Variants in OBI1 observed in about 807,000 individuals in gnomAD.
OBI1 encodes ORC ubiquitin ligase 1.
In OBI1, 59 loss-of-function variants were observed where a neutral mutation model predicts 62.4. The ratio of observed to expected loss-of-function variants is 0.95; its 90% CI spans 0.77 to 1.17. The LOEUF (loss-of-function observed/expected upper bound fraction) is 1.17. Among genes scored for constraint, OBI1 ranks in the 50% most tolerant of loss-of-function variants. OBI1 has a pLI of 0.00. For synonymous variants in OBI1, 302 were observed against 292.8 expected (o/e 1.03, Z -0.32); for missense variants, 875 against 830.9 (o/e 1.05, Z -0.65).
In OBI1 at chr13:78,659,058, G is replaced by A. The variant is rs1431684865; in HGVS notation, c.63C>T (p.Cys21=). 2 of 1,612,838 alleles carry A rather than the reference G, an allele frequency of 1.2e-6. No individual in the cohort carries two copies. The highest frequency in any genetic ancestry group is 2.2e-5 in the South Asian group (2 of 90,992). Residue 21 remains cysteine (C), a synonymous_variant, in exon 1 of 6, where the codon TGC becomes TGT. Coordinates refer to ENST00000282003, the MANE Select transcript of OBI1 (RefSeq NM_024546.4). ...CACAATCACCCATTACCTTCCCCAA[G>A]CAAATGTGGCACGTGATGGGCAGAG... ...SLTLPITCHI[C]LGKVRQPVIC...
At position 78,616,811 on chromosome 13, in the gene OBI1, C is replaced by T; in HGVS notation, c.950G>A (p.Ser317Asn). ...AGAACTGGTGTCACACAGTCTGCTG[C>T]TGGAAGGCTTCGCTAGGTGAGAAGA... is the stretch of plus-strand genomic sequence containing the variant. Reference protein sequence around the residue: ...SSSSHLAKPSSSRLCDTSSAR... With the variant: ...SSSSHLAKPSNSRLCDTSSAR... Residue 317 changes from serine (S) to asparagine (N), a missense_variant, in exon 6 of 6, where the codon AGC (serine) becomes AAC (asparagine). Ser to Asn is a conservative substitution (Grantham distance 46). Coordinates refer to ENST00000282003, the MANE Select transcript of OBI1 (RefSeq NM_024546.4). 2 of 1,614,208 alleles carry T rather than the reference C, an allele frequency of 1.2e-6. No homozygotes were observed. The highest frequency in any genetic ancestry group is 1.7e-6 in the Non-Finnish European group (2 of 1,180,032).
At chr13:78,633,970 G>A (rs545322134) in intron 5 of OBI1, among the ~76,000 whole-genome samples, 1 of 151,962 alleles carries the variant, frequency 6.6e-6, no homozygotes, top group East Asian at 2.0e-4. Context: ...GGGAGGCTGA[G>A]GCAGGAGAAT....
chr13:78,617,503 T>A (rs942853111), intron 5 of OBI1, among the ~76,000 whole-genome samples: 1 of 152,232 alleles, frequency 6.6e-6, no homozygotes, highest in Non-Finnish European at 1.5e-5. Context: ...GTGGTCTACA[T>A]CTTGAAATAT....
At chr13:78,645,300 G>C (rs1413080118) in intron 1 of OBI1, among the ~76,000 whole-genome samples, 1 of 152,070 alleles carries the variant, frequency 6.6e-6, no homozygotes, top group Non-Finnish European at 1.5e-5. Flanking sequence ...CACTAAGGCT[G>C]GGACAATTTT....
chr13:78,642,825 T>G (rs1173928122), intron 2 of OBI1, among the ~76,000 whole-genome samples: 1 of 152,004 alleles, frequency 6.6e-6, no homozygotes, highest in Non-Finnish European at 1.5e-5. Flanking sequence ...AGGCGGAGCT[T>G]GCAGTGAGCC....
intron 1 of OBI1, among the ~76,000 whole-genome samples, chr13:78,648,938 T>C (rs747950984): frequency 1.2e-4 from 18 of 151,476 alleles, no homozygotes; most frequent in Non-Finnish European, 2.1e-4. Context: ...AGAATCAGTA[T>C]TTTTCATGTA....
intron 5 of OBI1, among the ~76,000 whole-genome samples, chr13:78,621,850 G>C (rs1362155025): frequency 1.3e-5 from 2 of 152,184 alleles, no homozygotes; most frequent in African/African-American, 2.4e-5. Context: ...TAAAATGCTG[G>C]AAGTTGATGC....
chr13:78,621,794 G>A (rs909308131), intron 5 of OBI1, among the ~76,000 whole-genome samples: 2 of 152,150 alleles, frequency 1.3e-5, no homozygotes, highest in African/African-American at 4.8e-5. Context: ...AAAACACTTC[G>A]CACTAAAGCA....
chr13:78,623,550 G>A (rs1342441159), intron 5 of OBI1, among the ~76,000 whole-genome samples: 2 of 152,192 alleles, frequency 1.3e-5, no homozygotes, highest in Admixed American at 6.5e-5. Flanking sequence ...CTTAGCAGCA[G>A]GAATAGGATT....
intron 5 of OBI1, among the ~76,000 whole-genome samples, chr13:78,625,615 T>C (rs1024485071): frequency 1.3e-5 from 2 of 152,154 alleles, no homozygotes; most frequent in African/African-American, 2.4e-5. Context: ...AAGTACCTTA[T>C]CAATACAATA....
At chr13:78,637,499 T>C (rs1014077071) in intron 4 of OBI1, among the ~76,000 whole-genome samples, 7 of 152,220 alleles carry the variant, frequency 4.6e-5, no homozygotes, top group Admixed American at 4.6e-4. Context: ...AAGCCTCATG[T>C]TCTAAGAAAT....
At chr13:78,648,603 A>G in intron 1 of OBI1, among the ~76,000 whole-genome samples, 1 of 151,748 alleles carries the variant, frequency 6.6e-6, no homozygotes, top group South Asian at 2.1e-4. Context: ...ATCTTTCCAT[A>G]AAAAAAACAC....
intron 1 of OBI1, among the ~76,000 whole-genome samples, chr13:78,658,092 T>C (rs1363132766): frequency 6.6e-6 from 1 of 152,230 alleles, no homozygotes; most frequent in Non-Finnish European, 1.5e-5. Context: ...GCAGATCGTA[T>C]TGGCCGGCAC....
intron 5 of OBI1, among the ~76,000 whole-genome samples, chr13:78,624,357 C>T (rs1389506767): frequency 6.6e-6 from 1 of 152,202 alleles, no homozygotes; most frequent in Non-Finnish European, 1.5e-5. Flanking sequence ...CCTTATCCCT[C>T]CATCTTCTAA....
intron 4 of OBI1, among the ~76,000 whole-genome samples, chr13:78,635,628 ATT>A (rs1043478286): frequency 6.6e-6 from 1 of 152,038 alleles, no homozygotes; most frequent in African/African-American, 2.4e-5. Flanking sequence ...CTGTTTAAAA[ATT>A]TTTTTCTAGT....
Position 78,615,351 on chromosome 13 carries a change from C to T in OBI1, c.*229G>A. 1 of 366,832 alleles carries T rather than the reference C, an allele frequency of 2.7e-6. No homozygotes were observed. Among genetic ancestry groups the T allele is most frequent in the Non-Finnish European group, 4.8e-6 (1 of 206,598 alleles). 22.7% of individuals were successfully genotyped at this position (366,832 alleles called of 1,614,324 possible). A position where few individuals can be genotyped will look rare whatever the true frequency, so the allele number is the denominator to read the frequency against. On this transcript the variant is annotated 3_prime_UTR_variant, in exon 6 of 6. Coordinates refer to ENST00000282003, the MANE Select transcript of OBI1 (RefSeq NM_024546.4). ...CCCAAAACACAAAAATAACCTCCTC[C>T]CTAACTTCTCTGGTCACAAAGACTC...
intron 1 of OBI1, among the ~76,000 whole-genome samples, chr13:78,650,965 T>G (rs2137467823): frequency 6.6e-6 from 1 of 152,248 alleles, no homozygotes; most frequent in South Asian, 2.1e-4. Context: ...CCATCCAAAC[T>G]GTCACCAGAC....
intron 5 of OBI1, among the ~76,000 whole-genome samples, chr13:78,623,587 C>T (rs1036762949): frequency 6.6e-6 from 1 of 152,226 alleles, no homozygotes; most frequent in Non-Finnish European, 1.5e-5. Context: ...TGAACCCATA[C>T]ACCATGTTTG....
chr13:78,647,601 A>C (rs991508321), intron 1 of OBI1, among the ~76,000 whole-genome samples: 1 of 152,234 alleles, frequency 6.6e-6, no homozygotes, highest in African/African-American at 2.4e-5. Flanking sequence ...TGAGATAGTA[A>C]AACAGTAATC....
Sources: gnomAD v4.1 joint callset for allele counts (sites outside exome capture counted in the v4.1 genomes callset) on GRCh38, gnomAD v4.1.1 for gene constraint, MANE v1.5 for transcripts, NCBI Gene and HGNC (gene_info 2026-07-23, HGNC 2026-07-21) for gene names.